VCP: variants seen among roughly 807,000 people sequenced by gnomAD.
VCP encodes transitional endoplasmic reticulum ATPase.
A neutral mutation model predicts 85.7 loss-of-function variants in VCP; 6 were observed. That is an observed-to-expected ratio of 0.07 (90% CI 0.04 to 0.14). The LOEUF is 0.14. Ranked by LOEUF, VCP falls within the 10% of genes least tolerant of loss-of-function variation. VCP has a pLI of 1.00. For missense variants in VCP, 353 were observed against 1,043.4 expected, an observed-to-expected ratio of 0.34 and a Z score of 9.12; for synonymous variants, 384 against 367.1, an observed-to-expected ratio of 1.05 and a Z score of -0.53.
At chr9:35,067,819 A>T in intron 3 of VCP, 72 bp downstream of exon 3, 1 of 1,599,886 alleles carries the variant, frequency 6.3e-7, no homozygotes, top group Non-Finnish European at 8.6e-7. Context: ...TGCCTGTAAT[A>T]CATGGGTCCT....
At chr9:35,064,389 T>A in intron 5 of VCP, 104 bp from the exon 6 acceptor site, 7 of 1,478,570 alleles carry the variant, frequency 4.7e-6, no homozygotes, top group Non-Finnish European at 6.5e-6. Flanking sequence ...AAACCTACCG[T>A]ATAAGAAGAT....
In VCP at chr9:35,066,780, T is replaced by C. The variant is rs549915384; in HGVS notation, c.340A>G (p.Ile114Val). 1.5e-4 allele frequency: 250 copies of C among 1,614,036 alleles called. No homozygotes were observed. Among genetic ancestry groups the C allele is most frequent in the Non-Finnish European group, 2.0e-4 (238 of 1,180,024 alleles). Reference sequence around the variant, plus strand: ...GTGTCATCAATGGGCAGCACATGGATACGTTTGCCGTACTTCACATCAGGG... The same window carrying C: ...GTGTCATCAATGGGCAGCACATGGACACGTTTGCCGTACTTCACATCAGGG... ...PCPDVKYGKR[I>V]HVLPIDDTVE... Residue 114 changes from isoleucine (I) to valine (V), a missense_variant, in exon 4 of 17, where the codon ATC (isoleucine) becomes GTC (valine). Physicochemically the swap from Ile to Val is conservative, Grantham distance 29. This residue lies in a region of VCP where 85 missense variants were observed against 345.2 expected (regional missense o/e 0.25). Transcript: ENST00000358901.
At chr9:35,069,799 CATA>C (rs1828904523) in intron 1 of VCP, among the ~76,000 whole-genome samples, 1 of 152,184 alleles carries the variant, frequency 6.6e-6, no homozygotes, top group African/African-American at 2.4e-5. Context: ...CTCAGGAAAA[CATA>C]AGCATTAACC....
intron 15 of VCP, chr9:35,057,781 G>C (rs888872973): frequency 3.6e-6 from 2 of 561,312 alleles, no homozygotes; most frequent in Non-Finnish European, 3.2e-6. Context: ...GATGTTGACT[G>C]AAGTGGCTAA....
intron 6 of VCP, 96 bp downstream of exon 6, chr9:35,064,058 A>T: frequency 6.3e-7 from 1 of 1,590,144 alleles, no homozygotes; most frequent in Non-Finnish European, 8.6e-7. Flanking sequence ...GGCAATAATG[A>T]AAGCCATGCA....
chr9:35,057,880 G>C, intron 15 of VCP: 1 of 373,610 alleles, frequency 2.7e-6, no homozygotes, highest in South Asian at 2.3e-5. Flanking sequence ...GCATGGAAAT[G>C]GTATATAGAA....
At chr9:35,058,323 G>A (rs990276056) in intron 15 of VCP, among the ~76,000 whole-genome samples, 2 of 152,186 alleles carry the variant, frequency 1.3e-5, no homozygotes, top group Admixed American at 6.5e-5. Flanking sequence ...TTAATTAAGG[G>A]TAACACAAGA....
chr9:35,069,102 G>C (rs1158187952), intron 1 of VCP, among the ~76,000 whole-genome samples: 1 of 152,114 alleles, frequency 6.6e-6, no homozygotes, highest in Non-Finnish European at 1.5e-5. Flanking sequence ...ACTGATGCCA[G>C]GGCATTCCAT....
intron 6 of VCP, 126 bp from the exon 7 acceptor site, chr9:35,063,206 G>T: frequency 1.2e-6 from 1 of 801,708 alleles, no homozygotes. Context: ...TAAGCCCTCC[G>T]CAGTAAATGC....
chr9:35,066,264 CT>C (rs34301260), intron 4 of VCP, among the ~76,000 whole-genome samples: 95,037 of 132,744 alleles, frequency 0.72, 33,748 homozygotes, highest in Non-Finnish European at 0.75. Context: ...GACCCTGTCT[CT>C]TTTTTTTTTT....
Position 35,056,140 on chromosome 9 carries a change from C to T in VCP, c.*977G>A, listed in dbSNP as rs538369629. ...GGTGGACACAACTGTAAGTGATCAC[C>T]AACCAGGGGATGTTTGGGATTTTTA... On this transcript the variant is annotated 3_prime_UTR_variant, in exon 17 of 17. Transcript: ENST00000358901. The T allele has an allele frequency of 5.3e-5, 8 of 151,528 alleles. No homozygotes were observed. Among genetic ancestry groups the T allele is most frequent in the African/African-American group, 1.9e-4 (8 of 41,276 alleles). The allele number at this position is 151,528 out of a possible 1,614,324, so 9.4% of individuals were successfully genotyped here.
At chr9:35,071,368 AAG>A (rs1828941017) in intron 1 of VCP, among the ~76,000 whole-genome samples, 1 of 125,298 alleles carries the variant, frequency 8.0e-6, no homozygotes, top group Admixed American at 1.0e-4. Context: ...TGAGGTAGCC[AAG>A]TTTTATCTAA....
intron 2 of VCP, 64 bp downstream of exon 2, chr9:35,068,187 G>C: frequency 1.2e-6 from 2 of 1,607,696 alleles, no homozygotes; most frequent in Non-Finnish European, 1.7e-6. Flanking sequence ...AATGAGAAAA[G>C]AAACCTGGGA....
chr9:35,062,323 C>T lies in VCP; in HGVS notation c.839G>A (p.Gly280Asp). 1 of 1,614,160 alleles carries T rather than the reference C, an allele frequency of 6.2e-7. No homozygotes were observed. Among genetic ancestry groups the T allele is most frequent in the Non-Finnish European group, 8.5e-7 (1 of 1,180,036 alleles). ...TTTACGAAGGTTGCTCTCAGACTCA[C>T]CAGCCAATTTGCTCATGATCTCAGG... ...NGPEIMSKLA[G>D]ESESNLRKAF... The change falls in exon 8 of 17, where the codon GGT becomes GAT. Residue 280 changes from glycine (G) to aspartate (D), a missense_variant. This residue lies in a region of VCP where 85 missense variants were observed against 345.2 expected (regional missense o/e 0.25). Transcript: ENST00000358901.
chr9:35,070,855 T>TC (rs1192104669), intron 1 of VCP, among the ~76,000 whole-genome samples: 1 of 152,190 alleles, frequency 6.6e-6, no homozygotes, highest in East Asian at 1.9e-4. Context: ...AGCCTCTAAT[T>TC]CCCCATCTAC....
chr9:35,057,958 G>T, intron 15 of VCP: 1 of 298,512 alleles, frequency 3.3e-6, no homozygotes, highest in African/African-American at 2.2e-5. Flanking sequence ...AAATGCCAAT[G>T]GCTTTCAGTG....
In VCP at chr9:35,059,930, C is replaced by T. The variant is rs1021576744; in HGVS notation, c.1696-129G>A. On this transcript the variant is annotated intron_variant, in intron 13 of 16. Coordinates refer to ENST00000358901, the MANE Select transcript of VCP (RefSeq NM_007126.5). The surrounding 1 kb of genome is among the most constrained non-coding windows in gnomAD (Gnocchi z 4.9). ...GGAGGATCACTTGAGGCCAGAAATC[C>T]GAAACCAGCATGGGCAACATACTGA... is the stretch of plus-strand genomic sequence containing the variant. The T allele has an allele frequency of 8.3e-6, 10 of 1,205,528 alleles. No individual in the cohort carries two copies. Among genetic ancestry groups the T allele is most frequent in the African/African-American group, 1.5e-5 (1 of 66,254 alleles). The allele number at this position is 1,205,528 out of a possible 1,614,324, so 74.7% of individuals were successfully genotyped here.
rs923756389 is a variant in VCP at position 35,059,880 on chromosome 9, C to G, written c.1696-79G>C. On this transcript the variant is annotated intron_variant, in intron 13 of 16. Transcript: ENST00000358901. The surrounding 1 kb of genome is among the most constrained non-coding windows in gnomAD (Gnocchi z 4.9). ...AAACGTGGTGGCTCACACCTGTATTCCCAGCACTTTGGGAGGCCAAGGTGG... is the reference window on the plus strand; with the variant it reads ...AAACGTGGTGGCTCACACCTGTATTGCCAGCACTTTGGGAGGCCAAGGTGG... 2 of 1,589,600 alleles carry G rather than the reference C, an allele frequency of 1.3e-6. No homozygotes were observed. The highest frequency in any genetic ancestry group is 1.7e-6 in the Non-Finnish European group (2 of 1,160,962).
chr9:35,066,888 C>T (rs1828844986), intron 3 of VCP, 71 bp from the exon 4 acceptor site: 2 of 1,610,644 alleles, frequency 1.2e-6, no homozygotes, highest in Non-Finnish European at 8.5e-7. Context: ...CCAAAAGGGC[C>T]TGGCACAGAT....
Sources: gnomAD v4.1 joint callset for allele counts (sites outside exome capture counted in the v4.1 genomes callset) on GRCh38, gnomAD v4.1.1 for gene constraint, gnomAD v4.1.1 regional missense constraint, Gnocchi (gnomAD v3.1) non-coding constraint, MANE v1.5 for transcripts, NCBI Gene and HGNC (gene_info 2026-07-23, HGNC 2026-07-21) for gene names.